ZNF207: variants seen among roughly 807,000 people sequenced by gnomAD.
ZNF207 encodes BUB3-interacting and GLEBS motif-containing protein ZNF207.
ZNF207 carries 24 observed loss-of-function variants against 60.2 expected under a neutral mutation model. The ratio of observed to expected loss-of-function variants is 0.40; its 90% CI spans 0.29 to 0.56. The LOEUF (loss-of-function observed/expected upper bound fraction) is 0.56. Ranked by LOEUF, ZNF207 falls within the 20% of genes least tolerant of loss-of-function variation. The pLI is 0.49. For synonymous variants in ZNF207, 236 were observed against 194.7 expected, an observed-to-expected ratio of 1.21 and a Z score of -1.77; for missense variants, 452 against 636.6, an observed-to-expected ratio of 0.71 and a Z score of 3.12.
rs1368340359 is a variant in ZNF207, at chr17:32,378,098, A to G, written c.*8339A>G. 1 of 152,496 alleles carries G rather than the reference A, an allele frequency of 6.6e-6. No homozygotes were observed. Among genetic ancestry groups the G allele is most frequent in the African/African-American group, 2.4e-5 (1 of 41,458 alleles). 9.4% of individuals were successfully genotyped at this position (152,496 alleles called of 1,614,324 possible). A position where few individuals can be genotyped will look rare whatever the true frequency, so the allele number is the denominator to read the frequency against. ...TGTTAGTATAACTAATAATAGATCC[A>G]TTGGACACTTTAAACACTCAGTACT... is the stretch of plus-strand genomic sequence containing the variant. On this transcript the variant is annotated 3_prime_UTR_variant, in exon 12 of 12. Coordinates refer to ENST00000394670, the MANE Select transcript of ZNF207 (RefSeq NM_001098507.2).
In ZNF207 at chr17:32,373,956, G is replaced by T. The variant is rs540223287; in HGVS notation, c.*4197G>T. 3 of 152,386 alleles carry T rather than the reference G, an allele frequency of 2.0e-5. No homozygotes were observed. The highest frequency in any genetic ancestry group is 6.5e-5 in the Admixed American group (1 of 15,300). The allele number at this position is 152,386 out of a possible 1,614,324, so 9.4% of individuals were successfully genotyped here. ...TTATCACCCAGGATGGAGTGCAGTG[G>T]TGCGATCTCGGTTCACTGCAACCTC... On this transcript the variant is annotated 3_prime_UTR_variant, in exon 12 of 12. Transcript: ENST00000394670.
Position 32,350,318 on chromosome 17 carries a change from G to A in ZNF207, c.33G>A (p.Pro11=). ...GCAAGAAGAAGAAGCAGCTGAAGCC[G>A]TGGTGCTGGTATCCTTTGTCGGTTT... The part of the protein sequence containing the change: MGRKKKKQLK[P]WCWYCNRDFD... Residue 11 remains proline (P), a synonymous_variant, in exon 1 of 12, where the codon CCG becomes CCA. Transcript: ENST00000394670. 1.2e-6 allele frequency: 2 copies of A among 1,614,150 alleles called. No homozygotes were observed. Among genetic ancestry groups the A allele is most frequent in the Non-Finnish European group, 1.7e-6 (2 of 1,180,032 alleles).
Position 32,375,464 on chromosome 17 carries a change from A to G in ZNF207, c.*5705A>G, listed in dbSNP as rs1482363275. On this transcript the variant is annotated 3_prime_UTR_variant, in exon 12 of 12. Transcript: ENST00000394670. ...TACTGGGGGTGGGAAGGATTTAGTAATGTCATAATCTGTTGAAGGTAATAT... is the reference window on the plus strand; with the variant it reads ...TACTGGGGGTGGGAAGGATTTAGTAGTGTCATAATCTGTTGAAGGTAATAT... 2 of 152,128 alleles carry G rather than the reference A, an allele frequency of 1.3e-5. No individual in the cohort carries two copies. The highest frequency in any genetic ancestry group is 2.4e-5 in the African/African-American group (1 of 41,446). The allele number at this position is 152,128 out of a possible 1,614,324, so 9.4% of individuals were successfully genotyped here.
rs1330753273 is a variant in ZNF207, at chr17:32,368,006, A to G, written c.1156A>G (p.Ile386Val). Residue 386 changes from isoleucine (I) to valine (V), a missense_variant, in exon 10 of 12, where the codon ATA (isoleucine) becomes GTA (valine). Ile to Val is a conservative substitution (Grantham distance 29). This residue lies in a region of ZNF207 where 390 missense variants were observed against 461.4 expected (regional missense o/e 0.85). Coordinates refer to ENST00000394670, the MANE Select transcript of ZNF207 (RefSeq NM_001098507.2). ...TAAGTTGATCCATCCAGATGAGGAT[A>G]TATCCCTGGTAAGTTGCTTTTAGTT... The part of the protein sequence containing the change: ...TSKLIHPDED[I>V]SLEERRAQLP... The G allele has an allele frequency of 1.9e-6, 3 of 1,614,016 alleles. No individual in the cohort carries two copies. Among genetic ancestry groups the G allele is most frequent in the East Asian group, 2.2e-5 (1 of 44,874 alleles).
In ZNF207 at chr17:32,379,197, A is replaced by C. The variant is rs1019566985; in HGVS notation, c.*9438A>C. On this transcript the variant is annotated 3_prime_UTR_variant, in exon 12 of 12. Coordinates refer to ENST00000394670, the MANE Select transcript of ZNF207 (RefSeq NM_001098507.2). The stretch of plus-strand genomic sequence containing the variant: ...GGTTTTCCTTAAAACCATCTCTTTA[A>C]AGCTGCCTTTCTGGTGAGTACTGTT... 1 of 152,048 alleles carries C rather than the reference A, an allele frequency of 6.6e-6. No individual in the cohort carries two copies. The highest frequency in any genetic ancestry group is 2.4e-5 in the African/African-American group (1 of 41,432). The allele number at this position is 152,048 out of a possible 1,614,324, so 9.4% of individuals were successfully genotyped here. A position where few individuals can be genotyped will look rare whatever the true frequency, so the allele number is the denominator to read the frequency against.
At chr17:32,360,826 G>C in intron 4 of ZNF207, 61 bp downstream of exon 4, 1 of 1,612,174 alleles carries the variant, frequency 6.2e-7, no homozygotes, top group African/African-American at 1.3e-5. Flanking sequence ...TTGTATCGAA[G>C]TATTACTTTC....
At position 32,358,484 on chromosome 17, in the gene ZNF207, T is replaced by C. The variant is rs762323870; in HGVS notation, c.169-19T>C. 6 of 1,531,436 alleles carry C rather than the reference T, an allele frequency of 3.9e-6. No individual in the cohort carries two copies. Among genetic ancestry groups the C allele is most frequent in the Non-Finnish European group, 5.2e-6 (6 of 1,151,292 alleles). 94.9% of individuals were successfully genotyped at this position (1,531,436 alleles called of 1,614,324 possible). ...ATTCTTAAAAAAGACTTTTATCTAA[T>C]GGAAATTGTTGTTGTTAGGTACATA... On this transcript the variant is annotated intron_variant, in intron 2 of 11. Transcript: ENST00000394670.
At position 32,377,400 on chromosome 17, in the gene ZNF207, G is replaced by A. The variant is rs1408570079; in HGVS notation, c.*7641G>A. 6.6e-6 allele frequency: 1 copy of A among 151,924 alleles called. No individual in the cohort carries two copies. Among genetic ancestry groups the A allele is most frequent in the African/African-American group, 2.4e-5 (1 of 41,424 alleles). The allele number at this position is 151,924 out of a possible 1,614,324, so 9.4% of individuals were successfully genotyped here. ...GGAAGAGTTACTACAGTTACTGTAA[G>A]TCTGAGTTAGAAAAAATACAGAGCA... is the stretch of plus-strand genomic sequence containing the variant. On this transcript the variant is annotated 3_prime_UTR_variant, in exon 12 of 12. Transcript: ENST00000394670.
In ZNF207 at chr17:32,379,290, G is replaced by T. The variant is rs1411783313; in HGVS notation, c.*9531G>T. The T allele has an allele frequency of 6.6e-6, 1 of 151,996 alleles. No individual in the cohort carries two copies. The highest frequency in any genetic ancestry group is 1.5e-5 in the Non-Finnish European group (1 of 67,926). 9.4% of individuals were successfully genotyped at this position (151,996 alleles called of 1,614,324 possible). A position where few individuals can be genotyped will look rare whatever the true frequency, so the allele number is the denominator to read the frequency against. On this transcript the variant is annotated 3_prime_UTR_variant, in exon 12 of 12. Coordinates refer to ENST00000394670, the MANE Select transcript of ZNF207 (RefSeq NM_001098507.2). ...GAAATAGGACACTTTGATTAAAGAG[G>T]TGAGCACTCTGAATTTCTACATCTT... is the stretch of plus-strand genomic sequence containing the variant.
intron 7 of ZNF207, 97 bp downstream of exon 7, chr17:32,363,081 T>A (rs563980638): frequency 3.5e-6 from 4 of 1,136,128 alleles, no homozygotes; most frequent in African/African-American, 3.2e-5. Flanking sequence ...AATTTAAAAA[T>A]TTTTGAAAGT....
chr17:32,356,083 A>G (rs907947094), intron 2 of ZNF207, among the ~76,000 whole-genome samples: 1 of 152,222 alleles, frequency 6.6e-6, no homozygotes, highest in African/African-American at 2.4e-5. Context: ...CCTGTGAGAT[A>G]GACCTGGCAG....
At chr17:32,365,034 ATTCT>A (rs1349093176) in intron 7 of ZNF207, among the ~76,000 whole-genome samples, 1 of 152,230 alleles carries the variant, frequency 6.6e-6, no homozygotes, top group African/African-American at 2.4e-5. Flanking sequence ...GATTGAAATA[ATTCT>A]TTTATATATT....
rs746944466 is a variant in ZNF207, at chr17:32,363,529, C to CTTTTT, written c.670+569_670+573dup. On this transcript the variant is annotated intron_variant, in intron 7 of 11. Coordinates refer to ENST00000394670, the MANE Select transcript of ZNF207 (RefSeq NM_001098507.2). ...ACAAGTAATAGAGAAATCCAACAAA[C>CTTTTT]TTTTTTTTTTTTTTTTTTTTTTTTT... Among the ~76,000 whole-genome samples, 32 of 69,614 alleles carry CTTTTT rather than the reference C, an allele frequency of 4.6e-4. 2 individuals carry two copies. Among genetic ancestry groups the CTTTTT allele is most frequent in the African/African-American group, 1.5e-3 (27 of 18,486 alleles). The allele number at this position is 69,614 out of a possible 152,430, so 45.7% of individuals were successfully genotyped here. A position where few individuals can be genotyped will look rare whatever the true frequency, so the allele number is the denominator to read the frequency against.
intron 2 of ZNF207, among the ~76,000 whole-genome samples, chr17:32,354,622 T>C (rs1015715007): frequency 7.2e-5 from 11 of 151,844 alleles, no homozygotes; most frequent in African/African-American, 2.7e-4. Flanking sequence ...TATTAGACTT[T>C]TTTTTTTTTC....
In ZNF207 at chr17:32,373,440, C is replaced by G. The variant is rs770163951; in HGVS notation, c.*3681C>G. The G allele has an allele frequency of 1.5e-6, 1 of 662,732 alleles. No homozygotes were observed. The highest frequency in any genetic ancestry group is 1.7e-5 in the South Asian group (1 of 58,946). The allele number at this position is 662,732 out of a possible 1,614,324, so 41.1% of individuals were successfully genotyped here. A position where few individuals can be genotyped will look rare whatever the true frequency, so the allele number is the denominator to read the frequency against. ...GCTGAGGCTGAGTCTCAGTGTTGCC[C>G]TGTTCAGTCTGAGGCAAGTGGGATT... On this transcript the variant is annotated 3_prime_UTR_variant, in exon 12 of 12. Transcript: ENST00000394670.
At chr17:32,369,108 G>C in intron 10 of ZNF207, 187 bp from the exon 11 acceptor site, 1 of 542,722 alleles carries the variant, frequency 1.8e-6, no homozygotes, top group South Asian at 3.4e-5. Context: ...TTTACAAATA[G>C]GTGAAGTTTT....
rs1337545490 is a variant in ZNF207 at position 32,358,553 on chromosome 17, A to C, written c.219A>C (p.Thr73=). Reference sequence around the variant, plus strand: ...TACCAAATGCAATACCTGGAAGAACAGACATAGAGTTGGAAATATATGGTA... The same window carrying C: ...TACCAAATGCAATACCTGGAAGAACCGACATAGAGTTGGAAATATATGGTA... ...DAVPNAIPGR[T]DIELEIYGME... is the part of the protein sequence containing the mutation. Residue 73 remains threonine (T), a synonymous_variant, in exon 3 of 12, where the codon ACA becomes ACC. Coordinates refer to ENST00000394670, the MANE Select transcript of ZNF207 (RefSeq NM_001098507.2). 3.2e-6 allele frequency: 5 copies of C among 1,567,614 alleles called. No homozygotes were observed. Among genetic ancestry groups the C allele is most frequent in the Non-Finnish European group, 4.3e-6 (5 of 1,163,998 alleles).
chr17:32,364,280 A>G (rs1905052960), intron 7 of ZNF207, among the ~76,000 whole-genome samples: 1 of 152,128 alleles, frequency 6.6e-6, no homozygotes, highest in African/African-American at 2.4e-5. Flanking sequence ...TTTGGCCTAT[A>G]AAGCAGGAAA....
rs1363194053 is a variant in ZNF207 at position 32,357,351 on chromosome 17, A to ATTATTATTT, written c.169-1150_169-1149insATTATTTTT. Among the ~76,000 whole-genome samples the ATTATTATTT allele has an allele frequency of 6.5e-4, 48 of 73,998 alleles. 2 individuals are homozygous for ATTATTATTT. The highest frequency in any genetic ancestry group is 2.5e-3 in the African/African-American group (44 of 17,768). 48.5% of individuals were successfully genotyped at this position (73,998 alleles called of 152,430 possible). A position where few individuals can be genotyped will look rare whatever the true frequency, so the allele number is the denominator to read the frequency against. Reference sequence around the variant, plus strand: ...TATTATTATTATTATTATTATTATTATTTTTTTTTTTTTTTGAGACAGAAT... The same window carrying ATTATTATTT: ...TATTATTATTATTATTATTATTATTATTATTATTTTTTTTTTTTTTTTTTGAGACAGAAT... On this transcript the variant is annotated intron_variant, in intron 2 of 11. Transcript: ENST00000394670.
Sources: gnomAD v4.1 joint callset for allele counts (sites outside exome capture counted in the v4.1 genomes callset) on GRCh38, gnomAD v4.1.1 for gene constraint, gnomAD v4.1.1 regional missense constraint, MANE v1.5 for transcripts, NCBI Gene and HGNC (gene_info 2026-07-23, HGNC 2026-07-21) for gene names.